Variants in AKAP6 observed in about 807,000 individuals in gnomAD.
AKAP6 encodes the protein A-kinase anchoring protein 6.
Under a neutral mutation model 188.5 loss-of-function variants are expected in AKAP6, and 58 were observed. The ratio of observed to expected loss-of-function variants is 0.31; its 90% CI spans 0.25 to 0.38. AKAP6 has a LOEUF of 0.38. Ranked by LOEUF, AKAP6 falls within the 10% of genes least tolerant of loss-of-function variation. The pLI is 1.00. For synonymous variants in AKAP6, 989 were observed against 998.6 expected, an observed-to-expected ratio of 0.99 and a Z score of 0.18; for missense variants, 2,710 against 2,740.0, an observed-to-expected ratio of 0.99 and a Z score of 0.24.
rs555621869 is a variant in AKAP6 at position 32,758,504 on chromosome 14, C to T, written c.3373-15174C>T. Among the ~76,000 whole-genome samples, 11 of 152,278 alleles carry T rather than the reference C, an allele frequency of 7.2e-5. 1 individual carries two copies. In the South Asian group the frequency reaches 1.2e-3, roughly 17 times the overall value. On this transcript the variant is annotated intron_variant, in intron 11 of 13. Transcript: ENST00000280979. ...ATCCCAGCACTTTGGGAGGCCGAGG[C>T]GGGCAGATCACCTGAGGTCAGGAGT... is the stretch of plus-strand genomic sequence containing the variant.
intron 3 of AKAP6, among the ~76,000 whole-genome samples, chr14:32,537,680 T>G (rs1882745931): frequency 1.3e-5 from 2 of 152,196 alleles, no homozygotes; most frequent in African/African-American, 4.8e-5. Context: ...TTGATTCAAA[T>G]CATATATTTA....
intron 12 of AKAP6, among the ~76,000 whole-genome samples, chr14:32,788,219 T>C (rs1209848785): frequency 6.6e-6 from 1 of 152,134 alleles, no homozygotes; most frequent in Non-Finnish European, 1.5e-5. Context: ...TAATACAATA[T>C]GGTGATTAAG....
At chr14:32,369,248 A>C (rs916721099) in intron 1 of AKAP6, among the ~76,000 whole-genome samples, 2 of 152,200 alleles carry the variant, frequency 1.3e-5, no homozygotes, top group African/African-American at 4.8e-5. Flanking sequence ...CTTAAAGGAA[A>C]GATCTGTTCA....
intron 7 of AKAP6, among the ~76,000 whole-genome samples, chr14:32,602,242 A>C (rs1885956963): frequency 6.6e-6 from 1 of 152,132 alleles, no homozygotes; most frequent in African/African-American, 2.4e-5. Context: ...GACACAGTTA[A>C]AAACTTGTTG....
intron 12 of AKAP6, 27 bp downstream of exon 12, chr14:32,773,920 T>C (rs2032976138): frequency 6.3e-7 from 1 of 1,596,494 alleles, no homozygotes; most frequent in Non-Finnish European, 8.6e-7. Context: ...TTAAGCATAA[T>C]TGTCTGTCAT....
chr14:32,647,033 C>T (rs955068865), intron 7 of AKAP6, among the ~76,000 whole-genome samples: 12 of 152,102 alleles, frequency 7.9e-5, no homozygotes, highest in Non-Finnish European at 1.5e-5. Context: ...CATTTGAGGG[C>T]ATACCATGTC....
At chr14:32,584,420 G>A (rs886384087) in intron 5 of AKAP6, among the ~76,000 whole-genome samples, 15 of 152,110 alleles carry the variant, frequency 9.9e-5, no homozygotes, top group African/African-American at 2.7e-4. Flanking sequence ...TTTTATGTCT[G>A]GAGCTTTGCA....
chr14:32,543,784 C>A (rs908713011), intron 3 of AKAP6, among the ~76,000 whole-genome samples: 1 of 152,144 alleles, frequency 6.6e-6, no homozygotes, highest in African/African-American at 2.4e-5. Flanking sequence ...GGGACAGCCT[C>A]TATCCAGGGC....
chr14:32,339,541 G>A (rs566468761), intron 1 of AKAP6, among the ~76,000 whole-genome samples: 2 of 152,222 alleles, frequency 1.3e-5, no homozygotes, highest in African/African-American at 4.8e-5. Context: ...TTTTACTGGT[G>A]GTTGTCTCTT....
At chr14:32,498,738 T>C (rs982400657) in intron 2 of AKAP6, among the ~76,000 whole-genome samples, 1 of 152,078 alleles carries the variant, frequency 6.6e-6, no homozygotes, top group South Asian at 2.1e-4. Context: ...GCACTCAAGA[T>C]ATCATGTGGC....
chr14:32,346,739 A>C (rs1246638440), intron 1 of AKAP6, among the ~76,000 whole-genome samples: 1 of 152,138 alleles, frequency 6.6e-6, no homozygotes, highest in Non-Finnish European at 1.5e-5. Context: ...CGATCTCCTG[A>C]CCTTGTGATC....
At chr14:32,819,155 T>C (rs1833838564) in intron 12 of AKAP6, among the ~76,000 whole-genome samples, 1 of 152,186 alleles carries the variant, frequency 6.6e-6, no homozygotes, top group South Asian at 2.1e-4. Context: ...GATTAACTGC[T>C]GTAACATTGG....
chr14:32,356,733 A>C (rs1455328418), intron 1 of AKAP6, among the ~76,000 whole-genome samples: 2 of 151,820 alleles, frequency 1.3e-5, no homozygotes, highest in Non-Finnish European at 2.9e-5. Context: ...TTCTGCTTGC[A>C]CTACTTGCTT....
chr14:32,569,781 G>C (rs553971723), intron 4 of AKAP6, among the ~76,000 whole-genome samples: 1 of 152,156 alleles, frequency 6.6e-6, no homozygotes, highest in African/African-American at 2.4e-5. Context: ...ACCTTATTTA[G>C]AGCCTAAACA....
chr14:32,501,912 A>T lies in AKAP6; in HGVS notation c.325-33642A>T, dbSNP rs1303467169. Reference sequence around the variant, plus strand: ...TCTGACTTAATGACAGTATCCTATTACTTCTGTTTTAGAAAATGATAAGCG... The same window carrying T: ...TCTGACTTAATGACAGTATCCTATTTCTTCTGTTTTAGAAAATGATAAGCG... On this transcript the variant is annotated intron_variant, in intron 2 of 13. Coordinates refer to ENST00000280979, the MANE Select transcript of AKAP6 (RefSeq NM_004274.5). 3.3e-5 allele frequency among the ~76,000 whole-genome samples: 5 copies of T among 152,232 alleles called. No individual in the cohort carries two copies. In the East Asian group the frequency reaches 9.7e-4, roughly 29 times the overall value.
chr14:32,472,894 GA>G (rs5807660), intron 2 of AKAP6, among the ~76,000 whole-genome samples: 32,925 of 150,812 alleles, frequency 0.22, 4,433 homozygotes, highest in Non-Finnish European at 0.3. Flanking sequence ...TGTATTAAAG[GA>G]AAAAAAAAGA....
At chr14:32,454,663 C>T in intron 2 of AKAP6, among the ~76,000 whole-genome samples, 2 of 48,158 alleles carry the variant, frequency 4.2e-5, no homozygotes, top group African/African-American at 4.9e-4. Context: ...CTCTCTCCTT[C>T]CCTCCTTCCC....
At chr14:32,482,209 T>C (rs73267324) in intron 2 of AKAP6, among the ~76,000 whole-genome samples, 2,251 of 152,304 alleles carry the variant, frequency 0.015, 67 homozygotes, top group African/African-American at 0.051. Flanking sequence ...TATCTGGTGG[T>C]GTCCTATCTG....
chr14:32,779,079 C>T (rs1012920383), intron 12 of AKAP6, among the ~76,000 whole-genome samples: 4 of 151,926 alleles, frequency 2.6e-5, no homozygotes, highest in Admixed American at 2.0e-4. Flanking sequence ...TAAAGCTCTA[C>T]TGAGTTACAT....
Sources: allele counts gnomAD v4.1 joint callset (sites outside exome capture counted in the v4.1 genomes callset), GRCh38; gene constraint gnomAD v4.1.1; transcripts MANE v1.5; gene names NCBI Gene and HGNC (gene_info 2026-07-23, HGNC 2026-07-21).